Variants in TMEM204 observed in about 807,000 individuals in gnomAD.
TMEM204 encodes transmembrane protein 204.
In TMEM204, 15 loss-of-function variants were observed where a neutral mutation model predicts 19.4. The ratio of observed to expected loss-of-function variants is 0.77; its 90% confidence interval spans 0.52 to 1.19. TMEM204 has a LOEUF of 1.19. Among genes scored for constraint, TMEM204 ranks in the 50% most tolerant of loss-of-function variants. The probability of loss-of-function intolerance (pLI) is 0.00; values close to 1 mark genes in which losing one functional copy is unlikely to be tolerated. For synonymous variants in TMEM204, 161 were observed against 146.0 expected, an observed-to-expected ratio of 1.10 and a Z score of -0.74; for missense variants, 287 against 321.2, an observed-to-expected ratio of 0.89 and a Z score of 0.81.
intron 1 of TMEM204, chr16:1,541,001 G>C: frequency 1.0e-6 from 1 of 985,422 alleles, no homozygotes; most frequent in Non-Finnish European, 1.2e-6. Context: ...CCCTGTGTAA[G>C]GTTTTATTTG....
At chr16:1,544,897 C>T (rs2032035700) in intron 2 of TMEM204, among the ~76,000 whole-genome samples, 1 of 152,216 alleles carries the variant, frequency 6.6e-6, no homozygotes, top group Non-Finnish European at 1.5e-5. Flanking sequence ...ATCCGCCCGC[C>T]TCGGCCTCCC....
In TMEM204 at chr16:1,555,062, C is replaced by A; in HGVS notation, c.*36C>A. On this transcript the variant is annotated 3_prime_UTR_variant, in exon 3 of 3. Transcript: ENST00000566264. ...TCAGCGCTCCATCAACGCACACCTG[C>A]TATCGTGGAACAGCCTAGAAACCAA... The A allele has an allele frequency of 6.3e-7, 1 of 1,579,464 alleles. No homozygotes were observed.
intron 1 of TMEM204, chr16:1,540,994 T>C (rs1468575988): frequency 1.7e-5 from 17 of 985,084 alleles, no homozygotes; most frequent in Non-Finnish European, 2.0e-5. Flanking sequence ...TTTGGGCCCC[T>C]GTGTAAGGTT....
In TMEM204 at chr16:1,534,540, C is replaced by CGAGGCACCGTCA. The variant is rs762049895; in HGVS notation, c.266_277dup (p.Arg89_Val92dup). 404 of 1,604,312 alleles carry CGAGGCACCGTCA rather than the reference C, an allele frequency of 2.5e-4. No homozygotes were observed. Among genetic ancestry groups the CGAGGCACCGTCA allele is most frequent in the Admixed American group, 3.2e-4 (19 of 59,996 alleles). On this transcript the variant is annotated inframe_insertion, in exon 1 of 3. Coordinates refer to ENST00000566264, the MANE Select transcript of TMEM204 (RefSeq NM_024600.6). The stretch of plus-strand genomic sequence containing the variant: ...CGAGGCAGCCGGCTTCCAGGAGTCC[C>CGAGGCACCGTCA]GAGGCACCGTCAAACGTAAGTCCAA...
chr16:1,534,524 C>A lies in TMEM204; in HGVS notation c.249C>A (p.Ala83=). The A allele has an allele frequency of 6.2e-7, 1 of 1,606,428 alleles. No homozygotes were observed. Among genetic ancestry groups the A allele is most frequent in the African/African-American group, 1.3e-5 (1 of 75,054 alleles). The stretch of plus-strand genomic sequence containing the variant: ...CGCTGGGCTGGGGCTCCGAGGCAGC[C>A]GGCTTCCAGGAGTCCCGAGGCACCG... ...CEALGWGSEA[A]GFQESRGTVK... Residue 83 remains alanine (A), a synonymous_variant, in exon 1 of 3, where the codon GCC becomes GCA. Coordinates refer to ENST00000566264, the MANE Select transcript of TMEM204 (RefSeq NM_024600.6).
rs886643933 is a variant in TMEM204, at chr16:1,553,225, CATCTGTCTCT to C, written c.437-1556_437-1547del. 3 of 976,742 alleles carry C rather than the reference CATCTGTCTCT, an allele frequency of 3.1e-6. No homozygotes were observed. The African/African-American group carries it at 5.3e-5, about 17-fold the overall frequency. The allele number at this position is 976,742 out of a possible 1,614,324, so 60.5% of individuals were successfully genotyped here. A position where few individuals can be genotyped will look rare whatever the true frequency, so the allele number is the denominator to read the frequency against. On this transcript the variant is annotated intron_variant, in intron 2 of 2. Coordinates refer to ENST00000566264, the MANE Select transcript of TMEM204 (RefSeq NM_024600.6). This position sits in a 1 kb window ranked among gnomAD's most constrained non-coding sequence, Gnocchi z 4.4. The stretch of plus-strand genomic sequence containing the variant: ...CTCTGTCTCTGTCTCTCTCTGTCTC[CATCTGTCTCT>C]GTGTCTGTCTCTGTCTCTCTGTATC...
At position 1,551,875 on chromosome 16, in the gene TMEM204, T is replaced by G. The variant is rs922642862; in HGVS notation, c.437-2907T>G. On this transcript the variant is annotated intron_variant, in intron 2 of 2. Transcript: ENST00000566264. This position sits in a 1 kb window ranked among gnomAD's most constrained non-coding sequence, Gnocchi z 4.0. The stretch of plus-strand genomic sequence containing the variant: ...TCCCGAGGTTTTCCTAGAAAGCCAC[T>G]GTAAATCCGAGCTGTGCACTCAGAA... Among the ~76,000 whole-genome samples the G allele has an allele frequency of 1.3e-5, 2 of 152,138 alleles. No homozygotes were observed. The highest frequency in any genetic ancestry group is 2.4e-5 in the African/African-American group (1 of 41,442).
intron 1 of TMEM204, among the ~76,000 whole-genome samples, chr16:1,539,952 C>T (rs570360478): frequency 2.2e-4 from 34 of 152,294 alleles, no homozygotes; most frequent in Admixed American, 2.6e-4. Context: ...CCACCCAGGC[C>T]GGAGCGGGCA....
chr16:1,529,894 G>A (rs1364655316), upstream of TMEM204, among the ~76,000 whole-genome samples: 2 of 152,202 alleles, frequency 1.3e-5, no homozygotes, highest in Middle Eastern at 3.4e-3. Context: ...GCAGTGCAGG[G>A]GTCACATCTG....
intron 1 of TMEM204, 130 bp downstream of exon 1, chr16:1,534,685 G>A: frequency 7.3e-7 from 1 of 1,372,216 alleles, no homozygotes; most frequent in Non-Finnish European, 1.0e-6. Flanking sequence ...GTGGCCTCTG[G>A]GCAGGCAGGA....
intron 2 of TMEM204, among the ~76,000 whole-genome samples, chr16:1,550,640 C>T (rs1385980957): frequency 6.6e-6 from 1 of 152,192 alleles, no homozygotes; most frequent in African/African-American, 2.4e-5. Flanking sequence ...GGGCTCAGTT[C>T]TGCCTACCCG....
intron 2 of TMEM204, among the ~76,000 whole-genome samples, chr16:1,549,412 C>T (rs1045704005): frequency 6.6e-6 from 1 of 152,250 alleles, no homozygotes; most frequent in Non-Finnish European, 1.5e-5. Flanking sequence ...CCAGACGCAC[C>T]CCAGGTGCTT....
chr16:1,554,834 C>A lies in TMEM204; in HGVS notation c.489C>A (p.Thr163=), dbSNP rs1388370119. 18 of 1,614,082 alleles carry A rather than the reference C, an allele frequency of 1.1e-5. No individual in the cohort carries two copies. The highest frequency in any genetic ancestry group is 1.5e-5 in the Non-Finnish European group (18 of 1,180,040). The change falls in exon 3 of 3, where the codon ACC becomes ACA. Residue 163 remains threonine (T), a synonymous_variant. Transcript: ENST00000566264. ...CTTTCTACAGAATTGGCCCATACAC[C>A]AACCTGTCCTGGTCCTGCTACCTGA... ...LVTFYRIGPY[T]NLSWSCYLNI... is the part of the protein sequence containing the mutation.
Position 1,551,816 on chromosome 16 carries a change from G to A in TMEM204, c.437-2966G>A, listed in dbSNP as rs188868354. Among the ~76,000 whole-genome samples the A allele has an allele frequency of 7.8e-4, 119 of 152,290 alleles. No homozygotes were observed. The highest frequency in any genetic ancestry group is 1.9e-3 in the East Asian group (10 of 5,172). The stretch of plus-strand genomic sequence containing the variant: ...ATCAACTCTGCGGGACCTCCCACCC[G>A]GGCTGGTTGCCCTGTGTTGCCTTAG... On this transcript the variant is annotated intron_variant, in intron 2 of 2. Coordinates refer to ENST00000566264, the MANE Select transcript of TMEM204 (RefSeq NM_024600.6). This position sits in a 1 kb window ranked among gnomAD's most constrained non-coding sequence, Gnocchi z 4.0.
chr16:1,541,887 C>T (rs770095980), intron 1 of TMEM204, 34 bp from the exon 2 acceptor site: 1 of 1,555,784 alleles, frequency 6.4e-7, no homozygotes, highest in Middle Eastern at 1.7e-4. Context: ...AGCCCACCTG[C>T]ACTCACCACT....
rs926924507 is a variant in TMEM204, at chr16:1,534,347, G to A, written c.72G>A (p.Ala24=). The change falls in exon 1 of 3, where the codon GCG becomes GCA. Residue 24 remains alanine (A), a synonymous_variant. Coordinates refer to ENST00000566264, the MANE Select transcript of TMEM204 (RefSeq NM_024600.6). ...TCTCACTCATCCTCAACAACGTGGC[G>A]GCCTTCACCTCCAACTGGGTGTGCC... ...ALVSLILNNV[A]AFTSNWVCQT... 3.1e-6 allele frequency: 5 copies of A among 1,612,720 alleles called. No homozygotes were observed. In the African/African-American group the frequency reaches 5.3e-5, roughly 17 times the overall value.
Position 1,541,948 on chromosome 16 carries a change from A to G in TMEM204, c.308A>G (p.Asn103Ser), listed in dbSNP as rs1203186962. The G allele has an allele frequency of 1.9e-6, 3 of 1,608,422 alleles. No individual in the cohort carries two copies. In the East Asian group the frequency reaches 6.7e-5, roughly 36 times the overall value. ...KLQFDMMRACNLVATAALTAG... is the reference protein window; with the variant it reads ...KLQFDMMRACSLVATAALTAG... Reference sequence around the variant, plus strand: ...CAGTTCGACATGATGCGCGCCTGCAACCTGGTGGCCACGGCCGCGCTCACC... The same window carrying G: ...CAGTTCGACATGATGCGCGCCTGCAGCCTGGTGGCCACGGCCGCGCTCACC... The change falls in exon 2 of 3, where the codon AAC becomes AGC. Residue 103 changes from asparagine to serine, a missense_variant. By Grantham distance (46) the Asn-to-Ser change is conservative. Transcript: ENST00000566264.
chr16:1,529,987 C>T (rs1596312632), upstream of TMEM204, among the ~76,000 whole-genome samples: 1 of 152,156 alleles, frequency 6.6e-6, no homozygotes, highest in African/African-American at 2.4e-5. Context: ...CACGGCTCCT[C>T]ACAGACGTCT....
At chr16:1,542,175 T>A in intron 2 of TMEM204, 99 bp downstream of exon 2, 1 of 1,320,210 alleles carries the variant, frequency 7.6e-7, no homozygotes, top group Non-Finnish European at 1.0e-6. Flanking sequence ...GGGGGGAAGC[T>A]GCAGGCCATA....
Sources: gnomAD v4.1 joint callset for allele counts (sites outside exome capture counted in the v4.1 genomes callset) on GRCh38, gnomAD v4.1.1 for gene constraint, Gnocchi (gnomAD v3.1) non-coding constraint, MANE v1.5 for transcripts, NCBI Gene and HGNC (gene_info 2026-07-23, HGNC 2026-07-21) for gene names.